The following THEMIS variants were observed in gnomAD, a reference collection of about 807,000 sequenced individuals.
The protein encoded by THEMIS is protein THEMIS.
A neutral mutation model predicts 52.6 loss-of-function variants in THEMIS; 37 were observed. The observed-to-expected ratio is 0.70, with a 90% CI of 0.54 to 0.93. The LOEUF (loss-of-function observed/expected upper bound fraction) is 0.93, where lower values mean the gene tolerates loss of function less well. Ranked by LOEUF, THEMIS falls within the 40% of genes least tolerant of loss-of-function variation. The probability of loss-of-function intolerance (pLI) is 0.00; values close to 1 mark genes in which losing one functional copy is unlikely to be tolerated. For synonymous variants in THEMIS, 292 were observed against 272.7 expected, an observed-to-expected ratio of 1.07 and a Z score of -0.70; for missense variants, 808 against 763.1, an observed-to-expected ratio of 1.06 and a Z score of -0.69.
At chr6:127,746,036 G>A (rs1237315146) in intron 4 of THEMIS, among the ~76,000 whole-genome samples, 1 of 151,746 alleles carries the variant, frequency 6.6e-6, no homozygotes, top group Non-Finnish European at 1.5e-5. Context: ...TTTGATATTA[G>A]TACGCATGTT....
In THEMIS at chr6:127,708,412, A is replaced by G. The variant is rs1361320850; in HGVS notation, c.*1573T>C. On this transcript the variant is annotated 3_prime_UTR_variant, in exon 6 of 6. Coordinates refer to ENST00000368248, the MANE Select transcript of THEMIS (RefSeq NM_001010923.3). ...CTTAATTTTCTAATCAAAGAATGGT[A>G]GTTACTAAAAGTACAAATTTAATTG... The G allele has an allele frequency of 3.3e-5, 5 of 152,162 alleles. No individual in the cohort carries two copies. Among genetic ancestry groups the G allele is most frequent in the Non-Finnish European group, 5.9e-5 (4 of 68,004 alleles). The allele number at this position is 152,162 out of a possible 1,614,324, so 9.4% of individuals were successfully genotyped here.
At chr6:127,747,519 G>T (rs1490717985) in intron 4 of THEMIS, among the ~76,000 whole-genome samples, 3 of 150,834 alleles carry the variant, frequency 2.0e-5, no homozygotes. Flanking sequence ...TTACAAATCA[G>T]ATTGAGCAGA....
chr6:127,699,262 A>G, the THEMIS span, among the ~76,000 whole-genome samples: 1 of 151,688 alleles, frequency 6.6e-6, no homozygotes, highest in African/African-American at 2.4e-5. Flanking sequence ...TTCTACTGTC[A>G]CATTTTGCAG....
At chr6:127,716,253 A>G (rs1374900777) in intron 5 of THEMIS, among the ~76,000 whole-genome samples, 1 of 151,854 alleles carries the variant, frequency 6.6e-6, no homozygotes, top group Non-Finnish European at 1.5e-5. Flanking sequence ...GTTTCTAGAG[A>G]GACATAAGGA....
At chr6:127,714,461 G>C (rs567911307) in intron 5 of THEMIS, among the ~76,000 whole-genome samples, 12 of 151,722 alleles carry the variant, frequency 7.9e-5, no homozygotes, top group African/African-American at 2.9e-4. Flanking sequence ...TGCCACCCCA[G>C]CCATAAAAAA....
chr6:127,731,864 A>ATTTTCTTTTTTTTTTTTTTTTTTTTT, intron 4 of THEMIS, among the ~76,000 whole-genome samples: 1 of 41,716 alleles, frequency 2.4e-5, no homozygotes, highest in Non-Finnish European at 3.8e-5. Flanking sequence ...TGCCCGGCTA[A>ATTTTCTTTTTTTTTTTTTTTTTTTTT]TTTTTTTTTT....
At chr6:127,729,799 A>G (rs1262344546) in intron 4 of THEMIS, among the ~76,000 whole-genome samples, 4 of 152,186 alleles carry the variant, frequency 2.6e-5, no homozygotes, top group Non-Finnish European at 5.9e-5. Flanking sequence ...ATGAGTTTTC[A>G]TGGCTGTCAC....
chr6:127,915,253 TTG>T (rs869115568), intron 1 of THEMIS, among the ~76,000 whole-genome samples: 1 of 121,640 alleles, frequency 8.2e-6, no homozygotes, highest in Non-Finnish European at 1.9e-5. Flanking sequence ...CATTTTGTTG[TTG>T]TTTGTTTGTT....
At chr6:127,859,126 T>C (rs938228772) in intron 1 of THEMIS, among the ~76,000 whole-genome samples, 2 of 152,002 alleles carry the variant, frequency 1.3e-5, no homozygotes, top group African/African-American at 2.4e-5. Flanking sequence ...GCATTGGATG[T>C]TTCTCCCCTT....
At chr6:127,828,669 G>A (rs766791378) in intron 3 of THEMIS, among the ~76,000 whole-genome samples, 17 of 152,064 alleles carry the variant, frequency 1.1e-4, no homozygotes, top group Non-Finnish European at 1.8e-4. Flanking sequence ...ATTAAAACAC[G>A]CCGGGCCGGG....
chr6:127,842,397 A>T (rs1414214991), intron 2 of THEMIS, among the ~76,000 whole-genome samples: 1 of 152,044 alleles, frequency 6.6e-6, no homozygotes, highest in Non-Finnish European at 1.5e-5. Context: ...GGCATAAAGG[A>T]GCAGATTTTA....
At chr6:127,906,142 TAA>T (rs892427755) in intron 1 of THEMIS, among the ~76,000 whole-genome samples, 13 of 151,470 alleles carry the variant, frequency 8.6e-5, no homozygotes, top group East Asian at 5.8e-4. Context: ...AATTTAGTTA[TAA>T]GTTTATAGAA....
At chr6:127,728,010 C>T (rs560231568) in intron 4 of THEMIS, among the ~76,000 whole-genome samples, 1 of 152,214 alleles carries the variant, frequency 6.6e-6, no homozygotes, top group South Asian at 2.1e-4. Context: ...AGGCATGGCT[C>T]TTCATCTTCA....
chr6:127,810,899 T>C (rs1180403852), intron 4 of THEMIS, among the ~76,000 whole-genome samples: 2 of 151,684 alleles, frequency 1.3e-5, no homozygotes, highest in African/African-American at 4.8e-5. Flanking sequence ...AAAGTTTGCC[T>C]GGGAAAAGAA....
At chr6:127,749,953 G>T (rs939388776) in intron 4 of THEMIS, among the ~76,000 whole-genome samples, 6 of 148,910 alleles carry the variant, frequency 4.0e-5, no homozygotes, top group Non-Finnish European at 8.9e-5. Context: ...CTTTTCTCAG[G>T]AATTAATAAA....
downstream of THEMIS, among the ~76,000 whole-genome samples, chr6:127,703,634 GGTA>G (rs1773760217): frequency 6.6e-6 from 1 of 151,946 alleles, no homozygotes. Flanking sequence ...CACCTAAAAG[GGTA>G]TGTATCTAGC....
Position 127,772,309 on chromosome 6 carries a change from T to A in THEMIS, c.1758+40574A>T, listed in dbSNP as rs189043371. 1.8e-4 allele frequency among the ~76,000 whole-genome samples: 27 copies of A among 152,214 alleles called. 1 individual carries two copies. The East Asian group carries it at 3.7e-3, about 21-fold the overall frequency. ...CACACTCTCTGCTTAATTAAAATAT[T>A]TTTTTCATTTTTGCCCCTGGTGAAT... On this transcript the variant is annotated intron_variant, in intron 4 of 5. Coordinates refer to ENST00000368248, the MANE Select transcript of THEMIS (RefSeq NM_001010923.3).
At chr6:127,858,862 T>A (rs1404612326) in intron 1 of THEMIS, among the ~76,000 whole-genome samples, 1 of 152,128 alleles carries the variant, frequency 6.6e-6, no homozygotes, top group Non-Finnish European at 1.5e-5. Context: ...AGCAGCCTGT[T>A]TTCAGTGATC....
downstream of THEMIS, among the ~76,000 whole-genome samples, chr6:127,704,625 C>T (rs935128915): frequency 1.3e-5 from 2 of 152,200 alleles, no homozygotes; most frequent in Non-Finnish European, 2.9e-5. Context: ...AAACTGCCCT[C>T]TTGAGCTAGT....
Sources: gnomAD v4.1 joint callset for allele counts (sites outside exome capture counted in the v4.1 genomes callset) on GRCh38, gnomAD v4.1.1 for gene constraint, MANE v1.5 for transcripts, NCBI Gene and HGNC (gene_info 2026-07-23, HGNC 2026-07-21) for gene names.